STAU2: variants seen among roughly 807,000 people sequenced by gnomAD.
STAU2 encodes the protein double-stranded RNA-binding protein Staufen homolog 2.
Under a neutral mutation model 65.9 loss-of-function variants are expected in STAU2, and 20 were observed. That is an observed-to-expected ratio of 0.30 (90% CI 0.21 to 0.44). The LOEUF is 0.44. Among genes scored for constraint, STAU2 ranks in the 20% least tolerant of loss-of-function variants. The pLI, the probability that STAU2 is intolerant of heterozygous loss-of-function variation, is 1.00. For synonymous variants in STAU2, 232 were observed against 233.9 expected (o/e 0.99, Z 0.07); for missense variants, 558 against 683.9 (o/e 0.82, Z 2.05).
chr8:73,505,784 T>C (rs1237788505), intron 13 of STAU2, among the ~76,000 whole-genome samples: 1 of 152,066 alleles, frequency 6.6e-6, no homozygotes, highest in Non-Finnish European at 1.5e-5. Context: ...AATCTCATGT[T>C]GAAATGTACT....
chr8:73,444,787 CTG>C (rs1442590457), intron 13 of STAU2, among the ~76,000 whole-genome samples: 3 of 152,194 alleles, frequency 2.0e-5, no homozygotes, highest in African/African-American at 4.8e-5. Flanking sequence ...GACTGGTGTT[CTG>C]TGTTTTAATA....
intron 13 of STAU2, among the ~76,000 whole-genome samples, chr8:73,426,351 G>C (rs979826811): frequency 2.6e-5 from 4 of 152,058 alleles, no homozygotes; most frequent in Non-Finnish European, 4.4e-5. Context: ...TGAAACTATA[G>C]AACATATTAC....
chr8:73,466,913 CA>C (rs1381495502), intron 13 of STAU2, among the ~76,000 whole-genome samples: 1 of 152,208 alleles, frequency 6.6e-6, no homozygotes, highest in South Asian at 2.1e-4. Flanking sequence ...TCTGGTCTAC[CA>C]GGCCCACCAT....
At position 73,674,878 on chromosome 8, in the gene STAU2, C is replaced by T. The variant is rs1817928639; in HGVS notation, c.275-1636G>A. Among the ~76,000 whole-genome samples the T allele has an allele frequency of 2.0e-5, 3 of 151,550 alleles. No homozygotes were observed. In the South Asian group the frequency reaches 6.3e-4, roughly 32 times the overall value. ...AGTCTTAAATCCTAACTGAAAATAT[C>T]ACAATGAATTCATGATGTATTTTCT... is the stretch of plus-strand genomic sequence containing the variant. On this transcript the variant is annotated intron_variant, in intron 5 of 14. Transcript: ENST00000524300.
At chr8:73,449,271 G>C (rs1392376606) in intron 13 of STAU2, among the ~76,000 whole-genome samples, 1 of 152,216 alleles carries the variant, frequency 6.6e-6, no homozygotes, top group Admixed American at 6.5e-5. Flanking sequence ...GGAAGTCCAA[G>C]AGCAGGCATC....
chr8:73,671,489 A>C (rs1279454822), intron 6 of STAU2, among the ~76,000 whole-genome samples: 1 of 152,188 alleles, frequency 6.6e-6, no homozygotes, highest in Non-Finnish European at 1.5e-5. Context: ...AAGCATTCTC[A>C]TATACTGTAA....
intron 4 of STAU2, among the ~76,000 whole-genome samples, chr8:73,691,855 A>G (rs1819340927): frequency 6.6e-6 from 1 of 152,060 alleles, no homozygotes; most frequent in African/African-American, 2.4e-5. Context: ...AATTCCTTGG[A>G]ATTTCCTGGG....
intron 11 of STAU2, among the ~76,000 whole-genome samples, chr8:73,586,767 A>C (rs528778664): frequency 2.6e-5 from 4 of 152,086 alleles, no homozygotes; most frequent in South Asian, 4.1e-4. Flanking sequence ...GAAATCAAAA[A>C]TAAAATAGCT....
At chr8:73,678,588 G>A (rs905285305) in intron 5 of STAU2, among the ~76,000 whole-genome samples, 6 of 152,030 alleles carry the variant, frequency 3.9e-5, no homozygotes, top group African/African-American at 7.2e-5. Context: ...ATCAAATTAC[G>A]TGTTCATATA....
At chr8:73,569,373 C>A (rs1230029552) in intron 12 of STAU2, among the ~76,000 whole-genome samples, 1 of 152,162 alleles carries the variant, frequency 6.6e-6, no homozygotes, top group Non-Finnish European at 1.5e-5. Context: ...GTAGACTCCA[C>A]CTCCGGGGGC....
At chr8:73,429,411 G>GTTTTTT (rs1261161673) in intron 13 of STAU2, among the ~76,000 whole-genome samples, 2 of 67,190 alleles carry the variant, frequency 3.0e-5, no homozygotes, top group South Asian at 6.7e-4. Context: ...TCTTGCTCAG[G>GTTTTTT]TCTTTTTTTT....
Position 73,613,996 on chromosome 8 carries a change from C to A in STAU2, c.679-40G>T, listed in dbSNP as rs769187330. 13 of 1,457,736 alleles carry A rather than the reference C, an allele frequency of 8.9e-6. No individual in the cohort carries two copies. The Admixed American group carries it at 1.3e-4, about 15-fold the overall frequency. 90.3% of individuals were successfully genotyped at this position (1,457,736 alleles called of 1,614,324 possible). ...TAAAATATTAAATAATGGATAGGCA[C>A]TTGAGATGTATTCTTAAAGTATGAC... On this transcript the variant is annotated intron_variant, in intron 8 of 14. Coordinates refer to ENST00000524300, the MANE Select transcript of STAU2 (RefSeq NM_001164380.2).
intron 13 of STAU2, among the ~76,000 whole-genome samples, chr8:73,470,804 TA>T (rs967077465): frequency 5.2e-5 from 7 of 134,864 alleles, no homozygotes; most frequent in African/African-American, 8.5e-5. Context: ...ATCCTGCCTC[TA>T]AAAAAAAAAT....
intron 4 of STAU2, among the ~76,000 whole-genome samples, chr8:73,698,813 G>A (rs1819866826): frequency 6.6e-6 from 1 of 150,708 alleles, no homozygotes; most frequent in African/African-American, 2.5e-5. Flanking sequence ...GGATCTAGTA[G>A]ATATTTACAC....
At chr8:73,646,415 C>T (rs1303773750) in intron 6 of STAU2, among the ~76,000 whole-genome samples, 1 of 152,164 alleles carries the variant, frequency 6.6e-6, no homozygotes, top group Non-Finnish European at 1.5e-5. Context: ...AACCCAGAAA[C>T]AGACCCACAC....
At chr8:73,572,984 A>G (rs914045399) in intron 12 of STAU2, among the ~76,000 whole-genome samples, 4 of 152,208 alleles carry the variant, frequency 2.6e-5, no homozygotes, top group African/African-American at 9.7e-5. Context: ...AGATGACATG[A>G]TTGTATATTT....
chr8:73,558,171 A>G (rs1807929124), intron 12 of STAU2, among the ~76,000 whole-genome samples: 1 of 152,202 alleles, frequency 6.6e-6, no homozygotes, highest in Admixed American at 6.5e-5. Flanking sequence ...TAAATGCAAC[A>G]TCTCACCAGC....
intron 3 of STAU2, among the ~76,000 whole-genome samples, chr8:73,718,450 A>T (rs1821408417): frequency 6.6e-6 from 1 of 152,222 alleles, no homozygotes. Context: ...AGCACTAAAT[A>T]AACCAAGAAA....
At chr8:73,535,041 T>G (rs1806088957) in intron 13 of STAU2, among the ~76,000 whole-genome samples, 1 of 152,260 alleles carries the variant, frequency 6.6e-6, no homozygotes, top group Non-Finnish European at 1.5e-5. Flanking sequence ...ATAAAGATTT[T>G]TTTGTGCAAG....
Sources: gnomAD v4.1 joint callset for allele counts (sites outside exome capture counted in the v4.1 genomes callset) on GRCh38, gnomAD v4.1.1 for gene constraint, MANE v1.5 for transcripts, NCBI Gene and HGNC (gene_info 2026-07-23, HGNC 2026-07-21) for gene names.